ADRA1B: variants seen among roughly 807,000 people sequenced by gnomAD.
ADRA1B encodes the protein alpha-1B adrenergic receptor.
In ADRA1B, 17 loss-of-function variants were observed where a neutral mutation model predicts 17.9. The ratio of observed to expected loss-of-function variants is 0.95; its 90% CI spans 0.65 to 1.42. The LOEUF is 1.42. Ranked by LOEUF, ADRA1B falls within the 40% of genes most tolerant of loss-of-function variation. The probability of loss-of-function intolerance (pLI) is 0.00; values close to 1 mark genes in which losing one functional copy is unlikely to be tolerated. For missense variants in ADRA1B, 681 were observed against 722.1 expected (o/e 0.94, Z 0.65); for synonymous variants, 366 against 327.6 (o/e 1.12, Z -1.27).
intron 1 of ADRA1B, among the ~76,000 whole-genome samples, chr5:159,879,974 A>G (rs567403915): frequency 3.3e-5 from 5 of 152,258 alleles, no homozygotes; most frequent in African/African-American, 1.2e-4. Context: ...CCGGCTTGAG[A>G]TACAGAGCGA....
At chr5:159,866,315 A>G (rs934003017) in intron 1 of ADRA1B, among the ~76,000 whole-genome samples, 3 of 144,780 alleles carry the variant, frequency 2.1e-5, no homozygotes, top group Non-Finnish European at 3.1e-5. Flanking sequence ...AAAAAAAAAG[A>G]TGCACCGGGC....
At chr5:159,946,167 T>A (rs939079629) in intron 1 of ADRA1B, among the ~76,000 whole-genome samples, 37 of 152,170 alleles carry the variant, frequency 2.4e-4, no homozygotes, top group Non-Finnish European at 2.8e-4. Flanking sequence ...TGATGGTAAC[T>A]TTCGATTGCA....
At chr5:159,961,788 G>A (rs1301234868) in intron 1 of ADRA1B, among the ~76,000 whole-genome samples, 4 of 152,208 alleles carry the variant, frequency 2.6e-5, no homozygotes, top group Non-Finnish European at 4.4e-5. Context: ...GTCCCAGAAT[G>A]TCAGGGCCCA....
At chr5:159,955,982 C>A (rs532743035) in intron 1 of ADRA1B, among the ~76,000 whole-genome samples, 1 of 152,288 alleles carries the variant, frequency 6.6e-6, no homozygotes, top group South Asian at 2.1e-4. Flanking sequence ...ATGGCTCCTG[C>A]GTGTAATCCC....
At chr5:159,980,310 G>A in the ADRA1B span, among the ~76,000 whole-genome samples, 141 of 152,250 alleles carry the variant, frequency 9.3e-4, 1 homozygote, top group South Asian at 0.024. Flanking sequence ...ATCTCCACCC[G>A]AAAGAGGAGG....
chr5:159,954,951 T>C (rs1755523844), intron 1 of ADRA1B, among the ~76,000 whole-genome samples: 1 of 152,142 alleles, frequency 6.6e-6, no homozygotes, highest in East Asian at 1.9e-4. Flanking sequence ...AAGGAGACTT[T>C]GAGGGCTGGA....
At chr5:159,954,936 G>A (rs1000479124) in intron 1 of ADRA1B, among the ~76,000 whole-genome samples, 16 of 152,106 alleles carry the variant, frequency 1.1e-4, no homozygotes, top group African/African-American at 3.9e-4. Flanking sequence ...AGGTTTCCCC[G>A]CTGTAAGGAG....
intron 1 of ADRA1B, among the ~76,000 whole-genome samples, chr5:159,910,315 C>A (rs2113133324): frequency 6.6e-6 from 1 of 152,208 alleles, no homozygotes; most frequent in African/African-American, 2.4e-5. Context: ...TGTAGCTTGC[C>A]CAAGGTCACA....
chr5:159,930,489 G>T (rs1310502289), intron 1 of ADRA1B, among the ~76,000 whole-genome samples: 1 of 152,182 alleles, frequency 6.6e-6, no homozygotes, highest in Non-Finnish European at 1.5e-5. Flanking sequence ...ATTAGCCAGA[G>T]AATCGCTTGT....
intron 1 of ADRA1B, chr5:159,950,377 CTG>C: frequency 3.2e-6 from 2 of 621,358 alleles, no homozygotes; most frequent in South Asian, 3.7e-5. Flanking sequence ...TGTATGGAAA[CTG>C]TGAGGAGGGG....
intron 1 of ADRA1B, among the ~76,000 whole-genome samples, chr5:159,894,399 C>T (rs145588470): frequency 3.3e-5 from 5 of 152,294 alleles, no homozygotes; most frequent in African/African-American, 9.6e-5. Context: ...CCATATAATA[C>T]GCTCTACTCC....
chr5:159,975,031 A>C (rs567367367), downstream of ADRA1B, among the ~76,000 whole-genome samples: 2 of 152,334 alleles, frequency 1.3e-5, no homozygotes, highest in Non-Finnish European at 2.9e-5. Context: ...AACAGAGAGC[A>C]GTCCTCTTCT....
chr5:159,879,487 G>T (rs902033389), intron 1 of ADRA1B, among the ~76,000 whole-genome samples: 1 of 152,170 alleles, frequency 6.6e-6, no homozygotes, highest in Non-Finnish European at 1.5e-5. Context: ...ATTCCCTGGG[G>T]ATGCTGAATC....
intron 1 of ADRA1B, among the ~76,000 whole-genome samples, chr5:159,873,326 G>A (rs1753768976): frequency 6.6e-6 from 1 of 152,092 alleles, no homozygotes; most frequent in Non-Finnish European, 1.5e-5. Context: ...AGAGTTGCAG[G>A]GCTCCAGCCT....
chr5:159,928,406 A>C (rs1445926741), intron 1 of ADRA1B, among the ~76,000 whole-genome samples: 1 of 152,092 alleles, frequency 6.6e-6, no homozygotes, highest in Non-Finnish European at 1.5e-5. Flanking sequence ...TCATCTGACC[A>C]CCCTTTGAAC....
chr5:159,877,222 C>T (rs1561580506), intron 1 of ADRA1B, among the ~76,000 whole-genome samples: 1 of 152,152 alleles, frequency 6.6e-6, no homozygotes, highest in Non-Finnish European at 1.5e-5. Context: ...GCTCCCGGTC[C>T]CCTGTGTCTC....
At chr5:159,980,504 T>C in the ADRA1B span, among the ~76,000 whole-genome samples, 1 of 152,180 alleles carries the variant, frequency 6.6e-6, no homozygotes, top group Non-Finnish European at 1.5e-5. Flanking sequence ...TGAGTAGTAG[T>C]ACAGCCTGGT....
chr5:159,975,801 A>G (rs141221296), downstream of ADRA1B, among the ~76,000 whole-genome samples: 27 of 152,260 alleles, frequency 1.8e-4, no homozygotes, highest in Non-Finnish European at 3.5e-4. Flanking sequence ...GTTCATCAAG[A>G]GCCCCTCAGG....
chr5:159,878,485 C>T (rs1024288392), intron 1 of ADRA1B, among the ~76,000 whole-genome samples: 5 of 152,198 alleles, frequency 3.3e-5, no homozygotes, highest in African/African-American at 7.2e-5. Flanking sequence ...CTGTTTTCCG[C>T]GTGCAATCTG....
Sources: gnomAD v4.1 joint callset for allele counts (sites outside exome capture counted in the v4.1 genomes callset) on GRCh38, gnomAD v4.1.1 for gene constraint, MANE v1.5 for transcripts, NCBI Gene and HGNC (gene_info 2026-07-23, HGNC 2026-07-21) for gene names.